The following PTPRG variants were observed in gnomAD, a reference collection of about 807,000 sequenced individuals.
The protein encoded by PTPRG is receptor-type tyrosine-protein phosphatase gamma.
Under a neutral mutation model 165.3 loss-of-function variants are expected in PTPRG, and 102 were observed. The observed-to-expected ratio is 0.62, with a 90% CI of 0.53 to 0.73. PTPRG has a LOEUF of 0.73. PTPRG is among the 30% of genes least tolerant of loss of function. PTPRG has a pLI of 0.00. For synonymous variants in PTPRG, 675 were observed against 669.5 expected (o/e 1.01, Z -0.13); for missense variants, 1,866 against 1,861.4 (o/e 1.00, Z -0.05).
intron 2 of PTPRG, among the ~76,000 whole-genome samples, chr3:61,885,060 T>C (rs1177136501): frequency 6.6e-6 from 1 of 152,188 alleles, no homozygotes; most frequent in Non-Finnish European, 1.5e-5. Flanking sequence ...TTGTCGGCTG[T>C]AGTAAAATGT....
Position 62,122,180 on chromosome 3 carries a change from A to G in PTPRG, c.616-10422A>G, listed in dbSNP as rs148059850. Among the ~76,000 whole-genome samples the G allele has an allele frequency of 2.3e-3, 356 of 152,308 alleles. 4 individuals are homozygous for G. The highest frequency in any genetic ancestry group is 3.8e-3 in the Non-Finnish European group (256 of 68,034). On this transcript the variant is annotated intron_variant, in intron 5 of 29. Transcript: ENST00000474889. ...AGCTTTACTGAGACCCTTAAATCAA[A>G]TGCTCCGACAGCTTTAACAGTAGCT...
At chr3:61,994,287 T>C (rs933468446) in intron 3 of PTPRG, among the ~76,000 whole-genome samples, 1 of 152,258 alleles carries the variant, frequency 6.6e-6, no homozygotes, top group Non-Finnish European at 1.5e-5. Flanking sequence ...TCTATGAATT[T>C]TAACTATTGG....
chr3:62,017,361 TTCATCCTCTTGCC>T (rs2041569901), intron 4 of PTPRG, among the ~76,000 whole-genome samples: 1 of 152,148 alleles, frequency 6.6e-6, no homozygotes, highest in African/African-American at 2.4e-5. Context: ...AATAAACACA[TTCATCCTCTTGCC>T]TCATGCTGTG....
chr3:62,283,309 A>G (rs1702521247), intron 28 of PTPRG, among the ~76,000 whole-genome samples: 1 of 152,128 alleles, frequency 6.6e-6, no homozygotes, highest in African/African-American at 2.4e-5. Flanking sequence ...ACTAGTATTA[A>G]TGATAATATT....
At chr3:61,966,623 C>T (rs1459471139) in intron 2 of PTPRG, among the ~76,000 whole-genome samples, 4 of 152,020 alleles carry the variant, frequency 2.6e-5, no homozygotes, top group East Asian at 3.9e-4. Context: ...TTCATTCATT[C>T]GTGTTTTTTT....
chr3:62,111,607 GC>G (rs1169482217), intron 5 of PTPRG, among the ~76,000 whole-genome samples: 1 of 152,040 alleles, frequency 6.6e-6, no homozygotes, highest in Non-Finnish European at 1.5e-5. Flanking sequence ...GCATCACCAA[GC>G]CTGGCTATTT....
At chr3:61,929,455 A>C (rs1042090738) in intron 2 of PTPRG, among the ~76,000 whole-genome samples, 4 of 152,172 alleles carry the variant, frequency 2.6e-5, no homozygotes, top group African/African-American at 9.7e-5. Flanking sequence ...CCATTTCTCA[A>C]CTGAAACTCA....
intron 28 of PTPRG, among the ~76,000 whole-genome samples, chr3:62,284,545 A>G (rs150322956): frequency 1.1e-3 from 162 of 152,242 alleles, no homozygotes; most frequent in African/African-American, 3.6e-3. Context: ...ATTATTGAAG[A>G]GAAACTTTAA....
intron 5 of PTPRG, among the ~76,000 whole-genome samples, chr3:62,114,629 G>C (rs1332109978): frequency 6.6e-6 from 1 of 152,178 alleles, no homozygotes; most frequent in Non-Finnish European, 1.5e-5. Context: ...AACATACCAA[G>C]ATAATTTTTT....
intron 4 of PTPRG, among the ~76,000 whole-genome samples, chr3:62,004,773 T>C (rs2041256159): frequency 6.6e-6 from 1 of 152,240 alleles, no homozygotes; most frequent in African/African-American, 2.4e-5. Flanking sequence ...TGGTAACATA[T>C]GTTAATCAAA....
chr3:62,275,357 A>AG (rs1702197744), intron 23 of PTPRG, among the ~76,000 whole-genome samples: 1 of 334 alleles, frequency 3.0e-3, no homozygotes, highest in Admixed American at 0.05. Flanking sequence ...GCCAGTGAGG[A>AG]TCACAGAAAA....
intron 4 of PTPRG, among the ~76,000 whole-genome samples, chr3:62,030,057 G>C (rs1484078458): frequency 2.6e-5 from 4 of 152,140 alleles, no homozygotes; most frequent in Non-Finnish European, 5.9e-5. Context: ...TCTATCATTT[G>C]TGTATCCTGA....
chr3:61,818,803 C>T (rs1310414206), intron 2 of PTPRG, among the ~76,000 whole-genome samples: 1 of 150,360 alleles, frequency 6.7e-6, no homozygotes, highest in Non-Finnish European at 1.5e-5. Context: ...AAGAAAAAGT[C>T]ATTGAAATAG....
intron 13 of PTPRG, among the ~76,000 whole-genome samples, chr3:62,226,101 T>C (rs1274273285): frequency 6.6e-6 from 1 of 152,262 alleles, no homozygotes; most frequent in African/African-American, 2.4e-5. Context: ...AGTAAGATCA[T>C]GTGACATCCC....
intron 6 of PTPRG, among the ~76,000 whole-genome samples, chr3:62,141,022 A>G (rs1176029864): frequency 6.6e-6 from 1 of 152,088 alleles, no homozygotes; most frequent in East Asian, 1.9e-4. Flanking sequence ...TCTGCATTTG[A>G]GTGTTTGAAA....
chr3:62,234,978 G>A (rs542724646), intron 14 of PTPRG, among the ~76,000 whole-genome samples: 1 of 149,550 alleles, frequency 6.7e-6, no homozygotes, highest in Non-Finnish European at 1.5e-5. Context: ...AAAAAATACT[G>A]TAATCTGGGG....
At chr3:62,150,791 G>T (rs1439141201) in intron 6 of PTPRG, among the ~76,000 whole-genome samples, 4 of 152,156 alleles carry the variant, frequency 2.6e-5, no homozygotes. Flanking sequence ...GAATGCCTCA[G>T]GTTTTCTTCC....
chr3:61,672,772 AGGGAGAGAGG>A (rs1703073634), intron 1 of PTPRG, among the ~76,000 whole-genome samples: 2 of 129,848 alleles, frequency 1.5e-5, no homozygotes, highest in Non-Finnish European at 3.2e-5. Context: ...GAAGAGGGAG[AGGGAGAGAGG>A]GAGAGAGAGG....
At chr3:62,268,946 G>A in intron 19 of PTPRG, 89 bp from the exon 20 acceptor site, 1 of 1,352,986 alleles carries the variant, frequency 7.4e-7, no homozygotes, top group Admixed American at 2.4e-5. Flanking sequence ...AATCTCACCT[G>A]TGTTTTAACA....
Sources: gnomAD v4.1 joint callset for allele counts (sites outside exome capture counted in the v4.1 genomes callset) on GRCh38, gnomAD v4.1.1 for gene constraint, MANE v1.5 for transcripts, NCBI Gene and HGNC (gene_info 2026-07-23, HGNC 2026-07-21) for gene names.